The following SKAP2 variants were observed in gnomAD, a reference collection of about 807,000 sequenced individuals.
SKAP2 encodes the protein src kinase-associated phosphoprotein 2.
Under a neutral mutation model 54.9 loss-of-function variants are expected in SKAP2, and 28 were observed. The observed-to-expected ratio is 0.51, with a 90% confidence interval of 0.38 to 0.70. SKAP2 has a LOEUF of 0.70. SKAP2 is among the 30% of genes least tolerant of loss of function. SKAP2 has a pLI of 0.00. For synonymous variants in SKAP2, 137 were observed against 134.3 expected (o/e 1.02, Z -0.14); for missense variants, 356 against 424.1 (o/e 0.84, Z 1.41).
At chr7:26,791,790 C>T (rs73065521) in intron 4 of SKAP2, among the ~76,000 whole-genome samples, 4 of 151,922 alleles carry the variant, frequency 2.6e-5, no homozygotes, top group Non-Finnish European at 5.9e-5. Context: ...ATAGCTATTG[C>T]GGAAAACATT....
intron 4 of SKAP2, among the ~76,000 whole-genome samples, chr7:26,822,858 G>C (rs1299112483): frequency 1.3e-5 from 2 of 151,122 alleles, no homozygotes; most frequent in Non-Finnish European, 3.0e-5. Flanking sequence ...ACTCCAGCCT[G>C]GGCGACACAG....
chr7:26,825,370 G>GA (rs1784468311), intron 4 of SKAP2, among the ~76,000 whole-genome samples: 1 of 151,198 alleles, frequency 6.6e-6, no homozygotes. Flanking sequence ...TAGAAATTAG[G>GA]AAAAAATAAA....
At chr7:26,845,870 T>C (rs980339009) in intron 3 of SKAP2, among the ~76,000 whole-genome samples, 4 of 152,154 alleles carry the variant, frequency 2.6e-5, no homozygotes, top group African/African-American at 9.7e-5. Flanking sequence ...AGTTTGAGGC[T>C]GCAGTGAGCT....
At chr7:26,725,615 T>G in intron 8 of SKAP2, 50 bp from the exon 9 acceptor site, 2 of 1,468,364 alleles carry the variant, frequency 1.4e-6, no homozygotes, top group Non-Finnish European at 1.8e-6. Flanking sequence ...CAGAAGATAT[T>G]TTTAAAACTA....
intron 1 of SKAP2, chr7:26,857,445 C>A (rs1253455129): frequency 1.0e-6 from 1 of 984,358 alleles, no homozygotes; most frequent in Non-Finnish European, 1.2e-6. Context: ...AAAATCTACA[C>A]TTTACCCGTT....
In SKAP2 at chr7:26,771,535, T is replaced by C. The variant is rs149894555; in HGVS notation, c.308-31571A>G. Among the ~76,000 whole-genome samples, 1,094 of 152,284 alleles carry C rather than the reference T, an allele frequency of 7.2e-3. 6 individuals are homozygous for C. The highest frequency in any genetic ancestry group is 0.011 in the Non-Finnish European group (727 of 68,024). The stretch of plus-strand genomic sequence containing the variant: ...TATGTATATTTTATATAGTATGTTA[T>C]AGGAATATGCATGCTTGTGTAATAA... On this transcript the variant is annotated intron_variant, in intron 4 of 12. Transcript: ENST00000345317.
chr7:26,811,347 C>T (rs563507052), intron 4 of SKAP2, among the ~76,000 whole-genome samples: 108 of 152,204 alleles, frequency 7.1e-4, no homozygotes, highest in African/African-American at 2.6e-3. Context: ...ATTGATTTTA[C>T]CTTAAAGGCT....
chr7:26,849,504 T>C (rs1311698037), intron 3 of SKAP2, among the ~76,000 whole-genome samples: 1 of 151,796 alleles, frequency 6.6e-6, no homozygotes, highest in African/African-American at 2.4e-5. Context: ...ACCAACATGG[T>C]GAAACCCCGT....
chr7:26,857,971 G>A (rs1785207672), intron 1 of SKAP2: 1 of 152,690 alleles, frequency 6.5e-6, no homozygotes, highest in Non-Finnish European at 1.5e-5. Flanking sequence ...CACCATTCCT[G>A]AGTGCCCGTA....
downstream of SKAP2, among the ~76,000 whole-genome samples, chr7:26,664,634 A>G (rs1786074564): frequency 1.3e-5 from 2 of 151,878 alleles, no homozygotes; most frequent in African/African-American, 4.8e-5. Flanking sequence ...TGATATTTTT[A>G]TATTAGAAAG....
chr7:26,788,239 G>C (rs144312059), intron 4 of SKAP2, among the ~76,000 whole-genome samples: 1 of 152,284 alleles, frequency 6.6e-6, no homozygotes, highest in African/African-American at 2.4e-5. Flanking sequence ...ATATTGTTAT[G>C]AAGTTACAGT....
chr7:26,785,523 C>T (rs1176392478), intron 4 of SKAP2, among the ~76,000 whole-genome samples: 1 of 152,148 alleles, frequency 6.6e-6, no homozygotes, highest in Non-Finnish European at 1.5e-5. Context: ...TCAAACCTTC[C>T]CTTGACATCA....
intron 4 of SKAP2, among the ~76,000 whole-genome samples, chr7:26,830,053 C>T (rs948160508): frequency 3.3e-5 from 5 of 152,152 alleles, no homozygotes; most frequent in African/African-American, 7.2e-5. Context: ...GAAGCATTAT[C>T]GGGCCATAAA....
intron 1 of SKAP2, among the ~76,000 whole-genome samples, chr7:26,859,785 T>G (rs1001256006): frequency 2.6e-5 from 4 of 152,232 alleles, no homozygotes; most frequent in African/African-American, 9.6e-5. Flanking sequence ...ATTTACACTA[T>G]ATTCAGTTTT....
intron 9 of SKAP2, among the ~76,000 whole-genome samples, chr7:26,715,715 A>G (rs1329846578): frequency 6.6e-6 from 1 of 152,088 alleles, no homozygotes; most frequent in Non-Finnish European, 1.5e-5. Context: ...GGAGGTGGAG[A>G]GTGCAGTGAG....
At chr7:26,840,995 C>T (rs1262263796) in intron 4 of SKAP2, among the ~76,000 whole-genome samples, 2 of 151,998 alleles carry the variant, frequency 1.3e-5, no homozygotes, top group Non-Finnish European at 2.9e-5. Context: ...ACAAGCTATA[C>T]AAAAATCTGT....
intron 4 of SKAP2, among the ~76,000 whole-genome samples, chr7:26,822,699 C>T (rs893637410): frequency 2.0e-5 from 3 of 151,240 alleles, no homozygotes; most frequent in African/African-American, 4.9e-5. Flanking sequence ...CACGGTGAAA[C>T]CCCGTCTCTA....
chr7:26,809,543 C>G (rs1784095296), intron 4 of SKAP2, among the ~76,000 whole-genome samples: 1 of 152,104 alleles, frequency 6.6e-6, no homozygotes, highest in African/African-American at 2.4e-5. Flanking sequence ...CAAATTAAAA[C>G]CACAATGAGA....
chr7:26,729,129 A>C (rs1022104069), intron 6 of SKAP2, among the ~76,000 whole-genome samples: 5 of 152,152 alleles, frequency 3.3e-5, no homozygotes, highest in Admixed American at 1.3e-4. Context: ...ACCCCAACTC[A>C]GACTAGCAGA....
Sources: allele counts gnomAD v4.1 joint callset (sites outside exome capture counted in the v4.1 genomes callset), GRCh38; gene constraint gnomAD v4.1.1; transcripts MANE v1.5; gene names NCBI Gene and HGNC (gene_info 2026-07-23, HGNC 2026-07-21).